Variants in DCDC2 observed in about 807,000 individuals in gnomAD.
DCDC2 encodes the protein doublecortin domain-containing protein 2.
A neutral mutation model predicts 50.2 loss-of-function variants in DCDC2; 40 were observed. That is an observed-to-expected ratio of 0.80 (90% confidence interval 0.62 to 1.04). The LOEUF (loss-of-function observed/expected upper bound fraction) is 1.04. DCDC2 is among the 50% of genes least tolerant of loss of function. DCDC2 has a pLI of 0.00. For synonymous variants in DCDC2, 234 were observed against 210.6 expected (o/e 1.11, Z -0.96); for missense variants, 570 against 581.9 (o/e 0.98, Z 0.21).
At chr6:24,247,669 G>A (rs1305893542) in intron 7 of DCDC2, among the ~76,000 whole-genome samples, 3 of 152,132 alleles carry the variant, frequency 2.0e-5, no homozygotes, top group East Asian at 1.9e-4. Flanking sequence ...TCTTTATCAC[G>A]CACATGAAGA....
At chr6:24,210,662 C>T (rs1353725148) in intron 7 of DCDC2, among the ~76,000 whole-genome samples, 1 of 152,212 alleles carries the variant, frequency 6.6e-6, no homozygotes. Context: ...TAGTGTCCCT[C>T]TTCTTCCACT....
intron 6 of DCDC2, among the ~76,000 whole-genome samples, chr6:24,280,072 T>A (rs150381234): frequency 2.4e-4 from 36 of 152,352 alleles, no homozygotes; most frequent in Admixed American, 9.8e-4. Context: ...TAAACAAATC[T>A]GCCTAGAAAA....
intron 7 of DCDC2, among the ~76,000 whole-genome samples, chr6:24,218,513 T>C (rs1762029334): frequency 6.6e-6 from 1 of 152,226 alleles, no homozygotes; most frequent in African/African-American, 2.4e-5. Flanking sequence ...TTTTTTCTGA[T>C]ACAGGGTCTC....
At chr6:24,266,488 CTAATT>C (rs1211479351) in intron 7 of DCDC2, among the ~76,000 whole-genome samples, 3 of 152,070 alleles carry the variant, frequency 2.0e-5, no homozygotes, top group Non-Finnish European at 4.4e-5. Flanking sequence ...ATCTAATACT[CTAATT>C]TAAAAATGGG....
At chr6:24,215,860 C>A (rs1235044617) in intron 7 of DCDC2, among the ~76,000 whole-genome samples, 1 of 152,182 alleles carries the variant, frequency 6.6e-6, no homozygotes, top group African/African-American at 2.4e-5. Flanking sequence ...CAGAATGCAA[C>A]AAGAGACATT....
chr6:24,196,507 G>A (rs539639595), intron 8 of DCDC2, among the ~76,000 whole-genome samples: 5 of 152,194 alleles, frequency 3.3e-5, no homozygotes, highest in East Asian at 3.9e-4. Context: ...TGCAACCTCC[G>A]CCTCCCAGAT....
At chr6:24,359,947 C>T (rs1760636148), upstream of DCDC2, among the ~76,000 whole-genome samples, 1 of 152,180 alleles carries the variant, frequency 6.6e-6, no homozygotes, top group African/African-American at 2.4e-5. Flanking sequence ...GAGGTGCCCT[C>T]CGCCGTAGTA....
chr6:24,364,488 A>G, the DCDC2 span, among the ~76,000 whole-genome samples: 1 of 152,324 alleles, frequency 6.6e-6, no homozygotes, highest in African/African-American at 2.4e-5. Flanking sequence ...AAAGCTTTAT[A>G]TAATTACATG....
intron 4 of DCDC2, among the ~76,000 whole-genome samples, chr6:24,294,270 G>A (rs771456149): frequency 4.6e-5 from 7 of 152,032 alleles, no homozygotes; most frequent in Non-Finnish European, 8.8e-5. Context: ...TGGGAGGATC[G>A]CTTGAGCCCA....
intron 4 of DCDC2, among the ~76,000 whole-genome samples, chr6:24,291,369 C>T (rs1464848848): frequency 6.6e-6 from 1 of 151,946 alleles, no homozygotes; most frequent in African/African-American, 2.4e-5. Flanking sequence ...CCTATTGCTG[C>T]CATATTAAAA....
chr6:24,186,912 A>G (rs1297638206), intron 8 of DCDC2, among the ~76,000 whole-genome samples: 1 of 152,146 alleles, frequency 6.6e-6, no homozygotes, highest in Non-Finnish European at 1.5e-5. Flanking sequence ...CCCTAATCCA[A>G]TCTGACTCAT....
upstream of DCDC2, among the ~76,000 whole-genome samples, chr6:24,360,130 G>C: frequency 6.6e-6 from 1 of 152,218 alleles, no homozygotes; most frequent in East Asian, 1.9e-4. Context: ...CAAGGGGAAC[G>C]GAGTTGTTAT....
At chr6:24,328,695 C>A (rs1017048902) in intron 2 of DCDC2, among the ~76,000 whole-genome samples, 10 of 152,186 alleles carry the variant, frequency 6.6e-5, no homozygotes, top group African/African-American at 2.4e-4. Context: ...AAACCACCTC[C>A]TCTCTGAAGT....
intron 7 of DCDC2, among the ~76,000 whole-genome samples, chr6:24,225,583 A>T (rs1380941327): frequency 6.6e-6 from 1 of 151,986 alleles, no homozygotes; most frequent in East Asian, 1.9e-4. Flanking sequence ...GCAGTCCTCA[A>T]CACCAGGCAG....
intron 9 of DCDC2, 125 bp from the exon 10 acceptor site, chr6:24,174,959 C>T: frequency 2.0e-6 from 1 of 502,306 alleles, no homozygotes; most frequent in Non-Finnish European, 3.3e-6. Context: ...AAAAGAGTTC[C>T]TGGGGTTCCC....
At chr6:24,240,576 T>A (rs995377503) in intron 7 of DCDC2, among the ~76,000 whole-genome samples, 5 of 152,198 alleles carry the variant, frequency 3.3e-5, no homozygotes, top group African/African-American at 9.7e-5. Flanking sequence ...TTATTTTGAT[T>A]ACTAGGCATT....
chr6:24,185,927 C>T (rs933930987), intron 8 of DCDC2, among the ~76,000 whole-genome samples: 1 of 152,188 alleles, frequency 6.6e-6, no homozygotes, highest in Non-Finnish European at 1.5e-5. Context: ...GTACCACTCA[C>T]ACAAACTCAG....
At chr6:24,339,625 T>C (rs548071031) in intron 2 of DCDC2, among the ~76,000 whole-genome samples, 1 of 152,288 alleles carries the variant, frequency 6.6e-6, no homozygotes, top group Non-Finnish European at 1.5e-5. Flanking sequence ...CTTCTCCAAT[T>C]GCTGCCAACA....
At position 24,357,900 on chromosome 6, in the gene DCDC2, G is replaced by A. The variant is rs2127257949; in HGVS notation, c.-150C>T. On this transcript the variant is annotated 5_prime_UTR_variant, in exon 1 of 10. The change creates a new upstream start codon in the 5' untranslated region. Coordinates refer to ENST00000378454, the MANE Select transcript of DCDC2 (RefSeq NM_016356.5). ...CACAGGTGAAAGAGAAGTAACGGCC[G>A]TGCGCCTAGGCGTCCACCCAGAGGA... 2 of 1,538,874 alleles carry A rather than the reference G, an allele frequency of 1.3e-6. No individual in the cohort carries two copies. The highest frequency in any genetic ancestry group is 1.3e-5 in the South Asian group (1 of 79,446).
Sources: allele counts gnomAD v4.1 joint callset (sites outside exome capture counted in the v4.1 genomes callset), GRCh38; gene constraint gnomAD v4.1.1; transcripts MANE v1.5; gene names NCBI Gene and HGNC (gene_info 2026-07-23, HGNC 2026-07-21).